Variants in LRP4 observed in about 807,000 individuals in gnomAD.
The protein encoded by LRP4 is low-density lipoprotein receptor-related protein 4.
A neutral mutation model predicts 220.3 loss-of-function variants in LRP4; 95 were observed. The observed-to-expected ratio is 0.43, with a 90% CI of 0.37 to 0.51. LRP4 has a LOEUF of 0.51. LRP4 is among the 20% of genes least tolerant of loss of function. The pLI is 0.00. For synonymous variants in LRP4, 903 were observed against 954.6 expected, an observed-to-expected ratio of 0.95 and a Z score of 1.00; for missense variants, 1,925 against 2,567.0, an observed-to-expected ratio of 0.75 and a Z score of 5.40.
At position 46,881,825 on chromosome 11, in the gene LRP4, A is replaced by G. The variant is rs1565787558; in HGVS notation, c.2691T>C (p.Ile897=). 4 of 1,614,206 alleles carry G rather than the reference A, an allele frequency of 2.5e-6. No individual in the cohort carries two copies. The highest frequency in any genetic ancestry group is 1.6e-4 in the Middle Eastern group (1 of 6,062). The change falls in exon 20 of 38, where the codon ATT becomes ATC. Residue 897 remains isoleucine, a synonymous_variant. Coordinates refer to ENST00000378623, the MANE Select transcript of LRP4 (RefSeq NM_002334.4). ...AGMDASGRQV[I]ISSNLTWPNG... ...TAGGCCAGGTCAGATTAGAAGAGAT[A>G]ATGACTTGGCGGCCTGAGGCATCCA... is the stretch of plus-strand genomic sequence containing the variant.
At position 46,890,008 on chromosome 11, in the gene LRP4, G is replaced by A. The variant is rs1941385384; in HGVS notation, c.2028C>T (p.Ile676=). The change falls in exon 15 of 38, where the codon ATC becomes ATT. Residue 676 remains isoleucine, a synonymous_variant. Transcript: ENST00000378623. The surrounding 1 kb of genome is among the most constrained non-coding windows in gnomAD (Gnocchi z 5.3). The part of the protein sequence containing the change: ...ANKFTGKNQE[I]IRNKLHFPMD... ...TAGGGAAGTGGAGTTTGTTGCGAATGATTTCCTGGTTCTTCCCCGTAAATT... is the reference window on the plus strand; with the variant it reads ...TAGGGAAGTGGAGTTTGTTGCGAATAATTTCCTGGTTCTTCCCCGTAAATT... 6 of 1,614,186 alleles carry A rather than the reference G, an allele frequency of 3.7e-6. No homozygotes were observed. The East Asian group carries it at 1.3e-4, about 36-fold the overall frequency.
At chr11:46,878,568 C>G (rs979299916) in intron 22 of LRP4, among the ~76,000 whole-genome samples, 1 of 152,078 alleles carries the variant, frequency 6.6e-6, no homozygotes, top group Non-Finnish European at 1.5e-5. Flanking sequence ...GCCACCGTGC[C>G]CAGCCAGAAG....
rs945107906 is a variant in LRP4 at position 46,886,436 on chromosome 11, G to A, written c.2313C>T (p.Asp771=). ...DLSDDVIPLA[D]VRSAVALDWD... is the part of the protein sequence containing the mutation. ...AGTCAAGGGCCACAGCACTGCGCAC[G>A]TCAGCCAGTGGGATGACATCATCAG... The change falls in exon 17 of 38, where the codon GAC becomes GAT. Residue 771 remains aspartate (D), a synonymous_variant. Coordinates refer to ENST00000378623, the MANE Select transcript of LRP4 (RefSeq NM_002334.4). 16 of 1,613,890 alleles carry A rather than the reference G, an allele frequency of 9.9e-6. 1 individual carries two copies. Among genetic ancestry groups the A allele is most frequent in the Admixed American group, 5.0e-5 (3 of 59,982 alleles).
intron 34 of LRP4, among the ~76,000 whole-genome samples, chr11:46,867,510 GGA>G (rs1389246133): frequency 1.3e-5 from 2 of 152,202 alleles, no homozygotes. Flanking sequence ...TGCCCAGGCT[GGA>G]GTGTAATGGC....
intron 1 of LRP4, among the ~76,000 whole-genome samples, chr11:46,912,143 C>T (rs910797881): frequency 3.3e-5 from 5 of 152,304 alleles, no homozygotes; most frequent in Admixed American, 1.3e-4. Flanking sequence ...CGTTAGCCAT[C>T]GCACCTGGCC....
chr11:46,901,934 C>T (rs1310774509), intron 2 of LRP4, among the ~76,000 whole-genome samples: 1 of 151,856 alleles, frequency 6.6e-6, no homozygotes, highest in Non-Finnish European at 1.5e-5. Flanking sequence ...AGGGTTTCAG[C>T]GTATTAGCCA....
chr11:46,875,694 G>C lies in LRP4; in HGVS notation c.3700-13C>G. The C allele has an allele frequency of 6.2e-7, 1 of 1,613,550 alleles. No individual in the cohort carries two copies. Among genetic ancestry groups the C allele is most frequent in the South Asian group, 1.1e-5 (1 of 91,064 alleles). On this transcript the variant is annotated splice_polypyrimidine_tract_variant and intron_variant, in intron 26 of 37. Transcript: ENST00000378623. The surrounding 1 kb of genome is among the most constrained non-coding windows in gnomAD (Gnocchi z 4.5). The stretch of plus-strand genomic sequence containing the variant: ...CAGCCTCAATTCGCTGCAGAGGAAG[G>C]AGAGGGTGGGGGGTGGTGATCAGCA...
At chr11:46,897,058 C>A in intron 7 of LRP4, 64 bp from the exon 8 acceptor site, 1 of 1,608,910 alleles carries the variant, frequency 6.2e-7, no homozygotes, top group Admixed American at 1.7e-5. Flanking sequence ...TCCCTGCCAC[C>A]CAAATCTGCA....
At chr11:46,914,755 CT>C (rs1335840208) in intron 1 of LRP4, among the ~76,000 whole-genome samples, 1 of 152,170 alleles carries the variant, frequency 6.6e-6, no homozygotes, top group Non-Finnish European at 1.5e-5. Context: ...CACAGACTGT[CT>C]CGTAATCTTA....
Position 46,873,736 on chromosome 11 carries a change from G to T in LRP4, c.4230-143C>A. On this transcript the variant is annotated intron_variant, in intron 28 of 37. Transcript: ENST00000378623. The surrounding 1 kb of genome is among the most constrained non-coding windows in gnomAD (Gnocchi z 4.2). ...CAGGTATCTATGAGTACATTCCTCA[G>T]CACCCAGCATGATAGATGTTCAATA... is the stretch of plus-strand genomic sequence containing the variant. The T allele has an allele frequency of 3.2e-6, 2 of 630,886 alleles. No homozygotes were observed. The highest frequency in any genetic ancestry group is 5.5e-6 in the Non-Finnish European group (2 of 360,500). The allele number at this position is 630,886 out of a possible 1,614,324, so 39.1% of individuals were successfully genotyped here.
intron 12 of LRP4, 51 bp from the exon 13 acceptor site, chr11:46,893,180 T>G: frequency 3.1e-6 from 5 of 1,609,990 alleles, no homozygotes; most frequent in Non-Finnish European, 4.2e-6. Flanking sequence ...CAGGCCCCCA[T>G]GTCCCATAGT....
Position 46,890,081 on chromosome 11 carries a change from C to T in LRP4, c.1955G>A (p.Ser652Asn). 1 of 1,614,064 alleles carries T rather than the reference C, an allele frequency of 6.2e-7. No homozygotes were observed. Residue 652 changes from serine (S) to asparagine (N), a missense_variant, in exon 15 of 38, where the codon AGC (serine) becomes AAC (asparagine). Around this residue, in one of 3 missense-constraint regions of LRP4, gnomAD observed 269 missense variants for 436.7 expected, o/e 0.62. Transcript: ENST00000378623. This position sits in a 1 kb window ranked among gnomAD's most constrained non-coding sequence, Gnocchi z 5.3. The stretch of plus-strand genomic sequence containing the variant: ...GGTGTGCCAGTCTGTCCAGTACAGG[C>T]TGTCTTCAAACACTGTGATGGCGAA... ...HPFAITVFED[S>N]LYWTDWHTKS...
chr11:46,875,109 G>C lies in LRP4; in HGVS notation c.3926-6C>G. 11 of 1,611,498 alleles carry C rather than the reference G, an allele frequency of 6.8e-6. No homozygotes were observed. The highest frequency in any genetic ancestry group is 9.3e-6 in the Non-Finnish European group (11 of 1,179,930). Reference sequence around the variant, plus strand: ...CGAGCCGCACTTGTTAAAACCTGGTGATGAGAAGCACAAGTATTCACACCT... The same window carrying C: ...CGAGCCGCACTTGTTAAAACCTGGTCATGAGAAGCACAAGTATTCACACCT... On this transcript the variant is annotated splice_polypyrimidine_tract_variant and splice_region_variant and intron_variant, in intron 27 of 37. Coordinates refer to ENST00000378623, the MANE Select transcript of LRP4 (RefSeq NM_002334.4). This position sits in a 1 kb window ranked among gnomAD's most constrained non-coding sequence, Gnocchi z 4.5.
At position 46,896,825 on chromosome 11, in the gene LRP4, C is replaced by G. The variant is rs748295712; in HGVS notation, c.922+44G>C. ...GCACCCTCTTTTCCACCCTTCCACCCCAACTATAGGCTAAGGGTTCTGGGG... is the reference window on the plus strand; with the variant it reads ...GCACCCTCTTTTCCACCCTTCCACCGCAACTATAGGCTAAGGGTTCTGGGG... On this transcript the variant is annotated intron_variant, in intron 8 of 37. Transcript: ENST00000378623. 1.9e-6 allele frequency: 3 copies of G among 1,613,664 alleles called. 1 individual carries two copies. In the South Asian group the frequency reaches 3.3e-5, roughly 18 times the overall value.
intron 12 of LRP4, 36 bp from the exon 13 acceptor site, chr11:46,893,165 C>T: frequency 6.2e-7 from 1 of 1,613,696 alleles, no homozygotes. Context: ...GTCAAGGAGT[C>T]AACCCAGGCC....
At position 46,879,031 on chromosome 11, in the gene LRP4, T is replaced by C; in HGVS notation, c.3012A>G (p.Thr1004=). The C allele has an allele frequency of 6.2e-7, 1 of 1,614,168 alleles. No homozygotes were observed. Among genetic ancestry groups the C allele is most frequent in the Non-Finnish European group, 8.5e-7 (1 of 1,180,032 alleles). ...VFHRRRPPVS[T]PCAMENGGCS... is the part of the protein sequence containing the mutation. ...AGCCGCCATTCTCCATAGCACATGGTGTAGACACTGGGTAGAGAGGAGGGG... is the reference window on the plus strand; with the variant it reads ...AGCCGCCATTCTCCATAGCACATGGCGTAGACACTGGGTAGAGAGGAGGGG... Residue 1004 remains threonine, a synonymous_variant, in exon 22 of 38, where the codon ACA becomes ACG. Transcript: ENST00000378623.
At chr11:46,904,413 C>G (rs1460847504) in intron 1 of LRP4, among the ~76,000 whole-genome samples, 1 of 152,184 alleles carries the variant, frequency 6.6e-6, no homozygotes, top group Non-Finnish European at 1.5e-5. Context: ...AGCTCTAGAA[C>G]TTTCCCTCTC....
chr11:46,898,783 G>C, intron 6 of LRP4, 106 bp from the exon 7 acceptor site: 1 of 1,604,590 alleles, frequency 6.2e-7, no homozygotes, highest in African/African-American at 1.3e-5. Context: ...CTTCCCAAGA[G>C]GGACCAGAAA....
In LRP4 at chr11:46,857,568, A is replaced by T. The variant is rs1940412024; in HGVS notation, c.*1415T>A. On this transcript the variant is annotated 3_prime_UTR_variant, in exon 38 of 38. Coordinates refer to ENST00000378623, the MANE Select transcript of LRP4 (RefSeq NM_002334.4). ...CACCTCTTTGTATTTTTATTTATTC[A>T]GCCCTCCCACCACAGGACTTTGGAG... The T allele has an allele frequency of 6.6e-6, 1 of 152,122 alleles. No homozygotes were observed. The highest frequency in any genetic ancestry group is 6.6e-5 in the Admixed American group (1 of 15,258). The allele number at this position is 152,122 out of a possible 1,614,324, so 9.4% of individuals were successfully genotyped here.
Sources: allele counts gnomAD v4.1 joint callset (sites outside exome capture counted in the v4.1 genomes callset), GRCh38; gene constraint gnomAD v4.1.1; regional missense constraint gnomAD v4.1.1; non-coding constraint Gnocchi (gnomAD v3.1); transcripts MANE v1.5; gene names NCBI Gene and HGNC (gene_info 2026-07-23, HGNC 2026-07-21).